CEP85: variants seen among roughly 807,000 people sequenced by gnomAD.
The protein encoded by CEP85 is centrosomal protein 85.
A neutral mutation model predicts 93.7 loss-of-function variants in CEP85; 58 were observed. That is an observed-to-expected ratio of 0.62 (90% confidence interval 0.50 to 0.77). The LOEUF is 0.77. Among genes scored for constraint, CEP85 ranks in the 30% least tolerant of loss-of-function variants. The pLI is 0.00. For missense variants in CEP85, 868 were observed against 922.0 expected, an observed-to-expected ratio of 0.94 and a Z score of 0.76; for synonymous variants, 314 against 338.6, an observed-to-expected ratio of 0.93 and a Z score of 0.80.
intron 5 of CEP85, 73 bp downstream of exon 5, chr1:26,257,803 C>T (rs2089731966): frequency 1.3e-6 from 2 of 1,530,256 alleles, no homozygotes; most frequent in Non-Finnish European, 1.8e-6. Flanking sequence ...ATGGAGTCTT[C>T]CCAAGGGCAA....
rs780276492 is a variant in CEP85, at chr1:26,268,434, G to A, written c.1342-49G>A. 21 of 1,603,988 alleles carry A rather than the reference G, an allele frequency of 1.3e-5. No individual in the cohort carries two copies. In the South Asian group the frequency reaches 2.3e-4, roughly 18 times the overall value. The stretch of plus-strand genomic sequence containing the variant: ...GATCACAGCACTGCACTCCAGCAGG[G>A]TCATAGTGGAGTGAATGGTGGAGAC... On this transcript the variant is annotated intron_variant, in intron 7 of 13. Transcript: ENST00000451429.
chr1:26,237,522 G>A (rs2089344769), intron 1 of CEP85, among the ~76,000 whole-genome samples: 1 of 152,270 alleles, frequency 6.6e-6, no homozygotes, highest in East Asian at 1.9e-4. Flanking sequence ...ACATGTATCA[G>A]TACTTCCTTT....
chr1:26,243,128 CTTTT>C (rs35251831), intron 2 of CEP85, among the ~76,000 whole-genome samples: 7 of 121,862 alleles, frequency 5.7e-5, no homozygotes, highest in African/African-American at 9.3e-5. Flanking sequence ...CAGTGATTTT[CTTTT>C]TTTTTTTTTT....
chr1:26,235,879 G>C (rs1371546780), intron 1 of CEP85, among the ~76,000 whole-genome samples: 1 of 152,190 alleles, frequency 6.6e-6, no homozygotes, highest in East Asian at 1.9e-4. Flanking sequence ...GCCACACTTA[G>C]ATTGTAATTC....
At chr1:26,246,710 CAG>C (rs928679780) in intron 3 of CEP85, among the ~76,000 whole-genome samples, 3 of 144,678 alleles carry the variant, frequency 2.1e-5, no homozygotes, top group South Asian at 2.2e-4. Flanking sequence ...GCTTGGGCAA[CAG>C]AGTGAGACTC....
At chr1:26,251,847 A>G (rs562040933) in intron 3 of CEP85, among the ~76,000 whole-genome samples, 4 of 152,172 alleles carry the variant, frequency 2.6e-5, no homozygotes, top group Non-Finnish European at 5.9e-5. Flanking sequence ...ATGTGCTACA[A>G]CCTCACAGTC....
At chr1:26,250,086 A>G (rs865965219) in intron 3 of CEP85, among the ~76,000 whole-genome samples, 8 of 152,294 alleles carry the variant, frequency 5.3e-5, no homozygotes, top group Middle Eastern at 3.4e-3. Flanking sequence ...ATTGTAGAAG[A>G]TAGAGGTCCC....
chr1:26,256,220 G>A (rs55791848), intron 4 of CEP85, among the ~76,000 whole-genome samples: 25,071 of 152,056 alleles, frequency 0.16, 2,147 homozygotes, highest in Middle Eastern at 0.21. Context: ...TCTGTACGGG[G>A]TCATAGAGTT....
At chr1:26,273,588 A>C (rs1398231830) in intron 11 of CEP85, among the ~76,000 whole-genome samples, 1 of 152,204 alleles carries the variant, frequency 6.6e-6, no homozygotes, top group Non-Finnish European at 1.5e-5. Flanking sequence ...TGATAAGACT[A>C]CTTAGGCAAA....
Position 26,274,978 on chromosome 1 carries a change from A to G in CEP85, c.1809A>G (p.Glu603=), listed in dbSNP as rs2090032049. The change falls in exon 12 of 14, where the codon GAA becomes GAG. Residue 603 remains glutamate, a synonymous_variant. Transcript: ENST00000451429. ...GTGTGATTCAGAGCCTAGAGCAGGA[A>G]GTGGCTCAAGAAGAAGGAACAAGCC... The part of the protein sequence containing the change: ...LRSQVQSLEQ[E]VAQEEGTSQA... The G allele has an allele frequency of 3.2e-6, 5 of 1,574,150 alleles. No homozygotes were observed. Among genetic ancestry groups the G allele is most frequent in the Non-Finnish European group, 4.3e-6 (5 of 1,159,594 alleles).
At chr1:26,249,937 G>A (rs1459318779) in intron 3 of CEP85, among the ~76,000 whole-genome samples, 2 of 152,030 alleles carry the variant, frequency 1.3e-5, no homozygotes, top group African/African-American at 4.8e-5. Flanking sequence ...TGTTCACACA[G>A]GTACCATCAT....
Position 26,277,396 on chromosome 1 carries a change from T to A in CEP85, c.*103T>A. ...CTTGTCTGCTATTCCCAGAGAGGTCTCAGAGGGGAGGGGAGAGCCTGCATC... is the reference window on the plus strand; with the variant it reads ...CTTGTCTGCTATTCCCAGAGAGGTCACAGAGGGGAGGGGAGAGCCTGCATC... On this transcript the variant is annotated 3_prime_UTR_variant, in exon 14 of 14. Transcript: ENST00000451429. The A allele has an allele frequency of 8.4e-7, 1 of 1,185,964 alleles. No individual in the cohort carries two copies. The highest frequency in any genetic ancestry group is 1.2e-6 in the Non-Finnish European group (1 of 833,190). The allele number at this position is 1,185,964 out of a possible 1,614,324, so 73.5% of individuals were successfully genotyped here. A position where few individuals can be genotyped will look rare whatever the true frequency, so the allele number is the denominator to read the frequency against.
chr1:26,247,822 GT>G (rs147647538), intron 3 of CEP85, among the ~76,000 whole-genome samples: 440 of 151,940 alleles, frequency 2.9e-3, no homozygotes, highest in African/African-American at 0.01. Flanking sequence ...GTTTTGTTTT[GT>G]TTTGTTTTGT....
chr1:26,256,244 G>A (rs532910542), intron 4 of CEP85, among the ~76,000 whole-genome samples: 4 of 152,272 alleles, frequency 2.6e-5, no homozygotes, highest in Admixed American at 2.6e-4. Flanking sequence ...AATTGGCAGA[G>A]CTGGGGTTTA....
chr1:26,277,040 G>A (rs985317041), intron 13 of CEP85, 96 bp from the exon 14 acceptor site: 39 of 1,290,120 alleles, frequency 3.0e-5, no homozygotes, highest in Non-Finnish European at 4.1e-5. Context: ...CATGTCCCAA[G>A]ACTGTGGGTT....
At chr1:26,252,884 A>T (rs1419204063) in intron 3 of CEP85, among the ~76,000 whole-genome samples, 1 of 152,114 alleles carries the variant, frequency 6.6e-6, no homozygotes, top group Non-Finnish European at 1.5e-5. Context: ...TTACCCTTTG[A>T]TCAGCATCTC....
At chr1:26,271,265 T>A (rs1479547825) in intron 10 of CEP85, among the ~76,000 whole-genome samples, 158 bp downstream of exon 10, 1 of 152,182 alleles carries the variant, frequency 6.6e-6, no homozygotes, top group Non-Finnish European at 1.5e-5. Context: ...CATAGTAATT[T>A]GTATTTAGAT....
Position 26,268,525 on chromosome 1 carries a change from T to C in CEP85, c.1384T>C (p.Cys462Arg). The C allele has an allele frequency of 1.2e-6, 2 of 1,614,040 alleles. No homozygotes were observed. Among genetic ancestry groups the C allele is most frequent in the Non-Finnish European group, 1.7e-6 (2 of 1,179,994 alleles). The change falls in exon 8 of 14, where the codon TGC becomes CGC. Residue 462 changes from cysteine to arginine, a missense_variant. Cys to Arg is a radical substitution (Grantham distance 180). Coordinates refer to ENST00000451429, the MANE Select transcript of CEP85 (RefSeq NM_001319944.2). ...ACATATCAATAATTTGAAAAAGAAATGCCAGAAGGAATCAGAGCAGAACCG... is the reference window on the plus strand; with the variant it reads ...ACATATCAATAATTTGAAAAAGAAACGCCAGAAGGAATCAGAGCAGAACCG... ...DKHINNLKKKCQKESEQNREK... is the reference protein window; with the variant it reads ...DKHINNLKKKRQKESEQNREK...
At chr1:26,248,570 A>T (rs891989686) in intron 3 of CEP85, among the ~76,000 whole-genome samples, 1 of 151,894 alleles carries the variant, frequency 6.6e-6, no homozygotes, top group Non-Finnish European at 1.5e-5. Flanking sequence ...ATCTCGGCTC[A>T]CTGTAACCTC....
Sources: allele counts gnomAD v4.1 joint callset (sites outside exome capture counted in the v4.1 genomes callset), GRCh38; gene constraint gnomAD v4.1.1; transcripts MANE v1.5; gene names NCBI Gene and HGNC (gene_info 2026-07-23, HGNC 2026-07-21).